Variants in ZSCAN1 observed in about 807,000 individuals in gnomAD.
The protein encoded by ZSCAN1 is zinc finger and SCAN domain-containing protein 1.
Under a neutral mutation model 23.8 loss-of-function variants are expected in ZSCAN1, and 23 were observed. That is an observed-to-expected ratio of 0.97 (90% CI 0.70 to 1.37). The LOEUF (loss-of-function observed/expected upper bound fraction) is 1.37. Among genes scored for constraint, ZSCAN1 ranks in the 40% most tolerant of loss-of-function variants. The pLI, the probability that ZSCAN1 is intolerant of heterozygous loss-of-function variation, is 0.00. For missense variants in ZSCAN1, 575 were observed against 554.0 expected, an observed-to-expected ratio of 1.04 and a Z score of -0.38; for synonymous variants, 236 against 232.3, an observed-to-expected ratio of 1.02 and a Z score of -0.15.
chr19:58,055,145 CTG>C (rs1271726601), downstream of ZSCAN1, among the ~76,000 whole-genome samples: 3 of 152,242 alleles, frequency 2.0e-5, no homozygotes, highest in African/African-American at 7.2e-5. Context: ...GTTGGGCTGA[CTG>C]TGAATCCGCA....
intron 4 of ZSCAN1, 126 bp from the exon 5 acceptor site, chr19:58,052,364 C>T (rs990614562): frequency 8.1e-6 from 12 of 1,479,494 alleles, no homozygotes; most frequent in East Asian, 6.9e-5. Flanking sequence ...ACAACAGGCG[C>T]GACACCGCGC....
chr19:58,053,291 G>A lies in ZSCAN1; in HGVS notation c.605-138G>A. 9.1e-7 allele frequency: 1 copy of A among 1,099,954 alleles called. No homozygotes were observed. Among genetic ancestry groups the A allele is most frequent in the Non-Finnish European group, 1.3e-6 (1 of 773,552 alleles). The allele number at this position is 1,099,954 out of a possible 1,614,324, so 68.1% of individuals were successfully genotyped here. On this transcript the variant is annotated intron_variant, in intron 5 of 5. Coordinates refer to ENST00000282326, the MANE Select transcript of ZSCAN1 (RefSeq NM_182572.4). This position sits in a 1 kb window ranked among gnomAD's most constrained non-coding sequence, Gnocchi z 5.8. The stretch of plus-strand genomic sequence containing the variant: ...TTGTATCTTAAAGGACAGAACGGAG[G>A]ACACAGGGGCCGTATTGAGCAGAGG...
In ZSCAN1 at chr19:58,038,026, C is replaced by G. The variant is rs781616839; in HGVS notation, c.190C>G (p.Arg64Gly). ...GCTGGGCCAGCTCTGGACGCTGTGC[C>G]GCCAGTGGCTGAGGCCCGAGGCGCG... ...LALGQLWTLCRQWLRPEARSK... is the reference protein window; with the variant it reads ...LALGQLWTLCGQWLRPEARSK... The change falls in exon 3 of 6, where the codon CGC becomes GGC. Residue 64 changes from arginine (R) to glycine (G), a missense_variant. Arg to Gly is a moderately radical substitution (Grantham distance 125, BLOSUM62 -2). Transcript: ENST00000282326. 2.2e-5 allele frequency: 36 copies of G among 1,611,324 alleles called. No homozygotes were observed. The highest frequency in any genetic ancestry group is 3.0e-5 in the Non-Finnish European group (35 of 1,179,702).
intron 1 of ZSCAN1, among the ~76,000 whole-genome samples, 167 bp downstream of exon 1, chr19:58,034,328 G>A (rs2073716852): frequency 6.6e-6 from 1 of 150,460 alleles, no homozygotes; most frequent in African/African-American, 2.4e-5. Flanking sequence ...GGGCCGGGCC[G>A]GGGTTCCAGA....
Position 58,045,503 on chromosome 19 carries a change from T to G in ZSCAN1, c.465+4959T>G, listed in dbSNP as rs2073819314. 8 of 1,394,570 alleles carry G rather than the reference T, an allele frequency of 5.7e-6. No homozygotes were observed. The South Asian group carries it at 6.9e-5, about 12-fold the overall frequency. The allele number at this position is 1,394,570 out of a possible 1,614,324, so 86.4% of individuals were successfully genotyped here. A position where few individuals can be genotyped will look rare whatever the true frequency, so the allele number is the denominator to read the frequency against. On this transcript the variant is annotated intron_variant, in intron 4 of 5. Coordinates refer to ENST00000282326, the MANE Select transcript of ZSCAN1 (RefSeq NM_182572.4). This position sits in a 1 kb window ranked among gnomAD's most constrained non-coding sequence, Gnocchi z 4.3. ...GGCCCAGCAATGAGGAAATCATGGG[T>G]TTTTCCAAATTATTTGAGGATGAGC...
chr19:58,056,035 G>A (rs575440507), downstream of ZSCAN1, among the ~76,000 whole-genome samples: 31 of 152,248 alleles, frequency 2.0e-4, no homozygotes, highest in African/African-American at 7.2e-4. Context: ...ATTGCCCTGG[G>A]AACCCAGCTC....
At position 58,046,393 on chromosome 19, in the gene ZSCAN1, A is replaced by C. The variant is rs1036622486; in HGVS notation, c.465+5849A>C. Reference sequence around the variant, plus strand: ...TAAAGCCAGCAAGAGATTGACAAAAAGGGTGCAGCAGATAATCGGGCAGAT... The same window carrying C: ...TAAAGCCAGCAAGAGATTGACAAAACGGGTGCAGCAGATAATCGGGCAGAT... On this transcript the variant is annotated intron_variant, in intron 4 of 5. Coordinates refer to ENST00000282326, the MANE Select transcript of ZSCAN1 (RefSeq NM_182572.4). 9 of 888,046 alleles carry C rather than the reference A, an allele frequency of 1.0e-5. No individual in the cohort carries two copies. In the African/African-American group the frequency reaches 1.5e-4, roughly 15 times the overall value. The allele number at this position is 888,046 out of a possible 1,614,324, so 55.0% of individuals were successfully genotyped here.
At chr19:58,046,564 C>T in intron 4 of ZSCAN1, 1 of 860,666 alleles carries the variant, frequency 1.2e-6, no homozygotes, top group Non-Finnish European at 2.0e-6. Context: ...CAAAAGCAAG[C>T]TCACCAGCCT....
At chr19:58,052,356 AACAGGCGCGAC>A (rs2073862487) in intron 4 of ZSCAN1, 123 bp from the exon 5 acceptor site, 1 of 1,437,598 alleles carries the variant, frequency 7.0e-7, no homozygotes, top group African/African-American at 1.4e-5. Flanking sequence ...GCACGGGAAC[AACAGGCGCGAC>A]ACCGCGCACT....
At position 58,045,037 on chromosome 19, in the gene ZSCAN1, TC is replaced by T. The variant is rs2073815959; in HGVS notation, c.465+4496del. 1.8e-6 allele frequency: 2 copies of T among 1,112,262 alleles called. No homozygotes were observed. The highest frequency in any genetic ancestry group is 1.3e-5 in the South Asian group (1 of 79,424). The allele number at this position is 1,112,262 out of a possible 1,614,324, so 68.9% of individuals were successfully genotyped here. ...CGCCCCCGCAGAGATGGTGGTGAAG[TC>T]CCGGGGGCAGAGAGGGTGCTGGGCG... is the stretch of plus-strand genomic sequence containing the variant. On this transcript the variant is annotated intron_variant, in intron 4 of 5. Transcript: ENST00000282326. This position sits in a 1 kb window ranked among gnomAD's most constrained non-coding sequence, Gnocchi z 4.3.
Position 58,045,503 on chromosome 19 carries a change from T to C in ZSCAN1, c.465+4959T>C. 2.9e-6 allele frequency: 4 copies of C among 1,394,570 alleles called. No homozygotes were observed. The South Asian group carries it at 3.5e-5, about 12-fold the overall frequency. The allele number at this position is 1,394,570 out of a possible 1,614,324, so 86.4% of individuals were successfully genotyped here. ...GGCCCAGCAATGAGGAAATCATGGG[T>C]TTTTCCAAATTATTTGAGGATGAGC... On this transcript the variant is annotated intron_variant, in intron 4 of 5. Coordinates refer to ENST00000282326, the MANE Select transcript of ZSCAN1 (RefSeq NM_182572.4). The surrounding 1 kb of genome is among the most constrained non-coding windows in gnomAD (Gnocchi z 4.3).
intron 4 of ZSCAN1, chr19:58,044,905 G>T: frequency 1.2e-6 from 1 of 829,888 alleles, no homozygotes; most frequent in Non-Finnish European, 2.1e-6. Flanking sequence ...TCCTGCCCGC[G>T]GCTGGCACTC....
chr19:58,054,078 C>T lies in ZSCAN1; in HGVS notation c.*27C>T, dbSNP rs760076209. 53 of 1,462,982 alleles carry T rather than the reference C, an allele frequency of 3.6e-5. No individual in the cohort carries two copies. The highest frequency in any genetic ancestry group is 7.6e-5 in the Admixed American group (3 of 39,510). 90.6% of individuals were successfully genotyped at this position (1,462,982 alleles called of 1,614,324 possible). On this transcript the variant is annotated 3_prime_UTR_variant, in exon 6 of 6. Coordinates refer to ENST00000282326, the MANE Select transcript of ZSCAN1 (RefSeq NM_182572.4). The surrounding 1 kb of genome is among the most constrained non-coding windows in gnomAD (Gnocchi z 4.2). ...TGGCCAGCCTCGGGCCTCGGCCACC[C>T]GGCCCTGAGTCCCTGGGGGGAGCTG... is the stretch of plus-strand genomic sequence containing the variant.
intron 4 of ZSCAN1, chr19:58,046,211 A>G (rs1210283667): frequency 1.3e-6 from 1 of 767,126 alleles, no homozygotes; most frequent in Non-Finnish European, 2.4e-6. Context: ...ATCCTCAGCA[A>G]TGCCTGCTCT....
intron 1 of ZSCAN1, chr19:58,035,499 C>CA (rs1174359047): frequency 2.0e-5 from 3 of 152,210 alleles, no homozygotes; most frequent in Non-Finnish European, 4.4e-5. Context: ...CTAGAGTCTC[C>CA]AGGGTGAGCT....
chr19:58,046,453 TGGGCCAGCAAGCTGGCCCCGGCCAAG>T, intron 4 of ZSCAN1: 1 of 839,558 alleles, frequency 1.2e-6, no homozygotes. Context: ...GATGGACCAG[TGGGCCAGCAAGCTGGCCCCGGCCAAG>T]GGCGTGCCCA....
intron 3 of ZSCAN1, chr19:58,038,421 T>C (rs1192653506): frequency 9.3e-6 from 6 of 645,194 alleles, no homozygotes; most frequent in Non-Finnish European, 1.6e-5. Context: ...CAGTCGGTGA[T>C]TAAAGATCCC....
Position 58,045,062 on chromosome 19 carries a change from C to T in ZSCAN1, c.465+4518C>T. 1 of 1,129,060 alleles carries T rather than the reference C, an allele frequency of 8.9e-7. No homozygotes were observed. Among genetic ancestry groups the T allele is most frequent in the Non-Finnish European group, 1.3e-6 (1 of 742,042 alleles). 69.9% of individuals were successfully genotyped at this position (1,129,060 alleles called of 1,614,324 possible). On this transcript the variant is annotated intron_variant, in intron 4 of 5. Transcript: ENST00000282326. The surrounding 1 kb of genome is among the most constrained non-coding windows in gnomAD (Gnocchi z 4.3). ...TCCCGGGGGCAGAGAGGGTGCTGGG[C>T]GAGCTGAGGCACTACTACCATGGCT...
Position 58,052,525 on chromosome 19 carries a change from C to T in ZSCAN1, c.501C>T (p.Ala167=). The T allele has an allele frequency of 6.2e-7, 1 of 1,614,088 alleles. No individual in the cohort carries two copies. Among genetic ancestry groups the T allele is most frequent in the Admixed American group, 1.7e-5 (1 of 60,030 alleles). The stretch of plus-strand genomic sequence containing the variant: ...TGATTCTGGATGCAGTGGCAGCAGC[C>T]CCAGCACTCCCCGAGGAAAGTGAGT... ...SELILDAVAA[A]PALPEESEWL... is the part of the protein sequence containing the mutation. The change falls in exon 5 of 6, where the codon GCC becomes GCT. Residue 167 remains alanine, a synonymous_variant. Transcript: ENST00000282326.
Sources: gnomAD v4.1 joint callset for allele counts (sites outside exome capture counted in the v4.1 genomes callset) on GRCh38, gnomAD v4.1.1 for gene constraint, Gnocchi (gnomAD v3.1) non-coding constraint, MANE v1.5 for transcripts, NCBI Gene and HGNC (gene_info 2026-07-23, HGNC 2026-07-21) for gene names.